The following EYS variants were observed in gnomAD, a reference collection of about 807,000 sequenced individuals.
EYS encodes protein eyes shut homolog.
EYS carries 250 observed loss-of-function variants against 282.1 expected under a neutral mutation model. The ratio of observed to expected loss-of-function variants is 0.89; its 90% CI spans 0.80 to 0.98. EYS has a LOEUF of 0.98. EYS is among the 50% of genes least tolerant of loss of function. The pLI, the probability that EYS is intolerant of heterozygous loss-of-function variation, is 0.00. For synonymous variants in EYS, 1,355 were observed against 1,282.9 expected (o/e 1.06, Z -1.20); for missense variants, 4,016 against 3,709.0 (o/e 1.08, Z -2.15).
At chr6:64,858,530 G>A (rs997613805) in intron 19 of EYS, among the ~76,000 whole-genome samples, 5 of 152,006 alleles carry the variant, frequency 3.3e-5, no homozygotes, top group Admixed American at 6.6e-5. Context: ...ATAAGAAAAC[G>A]TAATGGTGTC....
intron 28 of EYS, among the ~76,000 whole-genome samples, chr6:64,424,524 C>T (rs1204904428): frequency 6.6e-6 from 1 of 152,158 alleles, no homozygotes; most frequent in Non-Finnish European, 1.5e-5. Flanking sequence ...TTTATGGCTG[C>T]ACCAAACTGC....
intron 31 of EYS, among the ~76,000 whole-genome samples, chr6:64,101,346 G>A (rs1772819792): frequency 6.6e-6 from 1 of 151,960 alleles, no homozygotes; most frequent in Admixed American, 6.6e-5. Context: ...AGACTTGCCT[G>A]GAGACCTAAC....
At chr6:63,870,438 A>G (rs1411434636) in intron 35 of EYS, among the ~76,000 whole-genome samples, 4 of 152,200 alleles carry the variant, frequency 2.6e-5, no homozygotes, top group Non-Finnish European at 5.9e-5. Flanking sequence ...CTTAAAAATG[A>G]ATAGTAGATA....
At position 65,204,953 on chromosome 6, in the gene EYS, TAGA is replaced by T. The variant is rs1765993902; in HGVS notation, c.2023+90907_2023+90909del. ...TCTAGAAGAATATATTTATATATTCTAGAAGAATATATTTATATATTCTAGAAG... is the reference window on the plus strand; with the variant it reads ...TCTAGAAGAATATATTTATATATTCTAGAATATATTTATATATTCTAGAAG... On this transcript the variant is annotated intron_variant, in intron 12 of 42. Coordinates refer to ENST00000503581, the MANE Select transcript of EYS (RefSeq NM_001142800.2). 1.6e-5 allele frequency among the ~76,000 whole-genome samples: 2 copies of T among 122,376 alleles called. 1 individual carries two copies. Among genetic ancestry groups the T allele is most frequent in the Non-Finnish European group, 3.5e-5 (2 of 57,452 alleles). 80.3% of individuals were successfully genotyped at this position (122,376 alleles called of 152,430 possible). A position where few individuals can be genotyped will look rare whatever the true frequency, so the allele number is the denominator to read the frequency against.
chr6:64,710,326 A>G (rs1771164978), intron 22 of EYS, among the ~76,000 whole-genome samples: 2 of 152,208 alleles, frequency 1.3e-5, no homozygotes, highest in Non-Finnish European at 2.9e-5. Context: ...TTAAAATGTT[A>G]CAACCCTTCC....
At chr6:64,858,444 C>A (rs1766134417) in intron 19 of EYS, among the ~76,000 whole-genome samples, 1 of 151,880 alleles carries the variant, frequency 6.6e-6, no homozygotes, top group Non-Finnish European at 1.5e-5. Context: ...TATCCTGTTC[C>A]ATTGGTTGAT....
intron 35 of EYS, among the ~76,000 whole-genome samples, chr6:63,880,954 A>G (rs2149718720): frequency 6.6e-6 from 1 of 152,276 alleles, no homozygotes; most frequent in African/African-American, 2.4e-5. Context: ...TCTTAGTTCC[A>G]TAACCTTATG....
intron 31 of EYS, among the ~76,000 whole-genome samples, chr6:64,185,896 T>C (rs1171524873): frequency 6.6e-6 from 1 of 152,194 alleles, no homozygotes; most frequent in African/African-American, 2.4e-5. Context: ...CATACCATTT[T>C]TGTTTTAGAT....
At chr6:64,426,837 A>G (rs573958499) in intron 28 of EYS, among the ~76,000 whole-genome samples, 1 of 152,304 alleles carries the variant, frequency 6.6e-6, no homozygotes, top group South Asian at 2.1e-4. Context: ...GTCTCCAGCT[A>G]TGCTGAACTC....
At chr6:64,511,743 C>T (rs1453091317) in intron 26 of EYS, among the ~76,000 whole-genome samples, 1 of 151,898 alleles carries the variant, frequency 6.6e-6, no homozygotes, top group Non-Finnish European at 1.5e-5. Context: ...CCTGCCTATC[C>T]AGTGTCTATT....
At chr6:64,844,475 C>T (rs1765661909) in intron 19 of EYS, among the ~76,000 whole-genome samples, 1 of 151,184 alleles carries the variant, frequency 6.6e-6, no homozygotes, top group Non-Finnish European at 1.5e-5. Context: ...AAACATTTTT[C>T]TGGTAATATT....
chr6:65,019,079 A>T (rs952686793), intron 13 of EYS, among the ~76,000 whole-genome samples: 1 of 152,164 alleles, frequency 6.6e-6, no homozygotes, highest in Non-Finnish European at 1.5e-5. Context: ...TTTTGTATCA[A>T]TCCGATGATT....
rs187662989 is a variant in EYS, at chr6:65,314,869, G to A, written c.1767-18750C>T. The stretch of plus-strand genomic sequence containing the variant: ...TATCAACTAACAATCCCATACAGAA[G>A]GGTCACTGTTTATATTTCTCCAAAG... On this transcript the variant is annotated intron_variant, in intron 11 of 42. Transcript: ENST00000503581. Among the ~76,000 whole-genome samples the A allele has an allele frequency of 1.7e-4, 26 of 152,138 alleles. No individual in the cohort carries two copies. The East Asian group carries it at 4.6e-3, about 27-fold the overall frequency.
At chr6:64,908,900 C>T (rs1260857441) in intron 16 of EYS, among the ~76,000 whole-genome samples, 3 of 152,016 alleles carry the variant, frequency 2.0e-5, no homozygotes, top group Admixed American at 6.6e-5. Context: ...CAGAGGAAAG[C>T]GCACCAAACA....
chr6:64,834,061 A>G (rs1350638256), intron 19 of EYS, among the ~76,000 whole-genome samples: 2 of 151,870 alleles, frequency 1.3e-5, no homozygotes, highest in African/African-American at 4.8e-5. Context: ...TGACATAAAG[A>G]CTGATTTAGG....
At chr6:64,665,017 A>T (rs1332032758) in intron 22 of EYS, among the ~76,000 whole-genome samples, 1 of 152,256 alleles carries the variant, frequency 6.6e-6, no homozygotes, top group Non-Finnish European at 1.5e-5. Flanking sequence ...CATGTGTGAA[A>T]AAAGAGTCAC....
At chr6:64,714,048 G>T (rs565705644) in intron 22 of EYS, among the ~76,000 whole-genome samples, 2 of 152,324 alleles carry the variant, frequency 1.3e-5, no homozygotes, top group African/African-American at 4.8e-5. Context: ...AGCTAAATAT[G>T]TTGGTATTTT....
chr6:64,954,776 A>T (rs944886555), intron 14 of EYS, among the ~76,000 whole-genome samples: 7 of 152,188 alleles, frequency 4.6e-5, no homozygotes, highest in Non-Finnish European at 1.5e-5. Context: ...CAAATTAACA[A>T]CTATATACAC....
intron 32 of EYS, among the ~76,000 whole-genome samples, chr6:64,069,405 TTTC>T (rs1771489675): frequency 6.6e-6 from 1 of 152,044 alleles, no homozygotes. Context: ...ATTCCCTACT[TTTC>T]TTCTATTGTT....
Sources: gnomAD v4.1 joint callset for allele counts (sites outside exome capture counted in the v4.1 genomes callset) on GRCh38, gnomAD v4.1.1 for gene constraint, MANE v1.5 for transcripts, NCBI Gene and HGNC (gene_info 2026-07-23, HGNC 2026-07-21) for gene names.